Variants in GPD2 observed in about 807,000 individuals in gnomAD.
The protein encoded by GPD2 is glycerol-3-phosphate dehydrogenase 2, also known as glycerol-3-phosphate dehydrogenase, mitochondrial.
GPD2 carries 54 observed loss-of-function variants against 82.4 expected under a neutral mutation model. The ratio of observed to expected loss-of-function variants is 0.66; its 90% CI spans 0.53 to 0.82. The LOEUF is 0.82. GPD2 is among the 40% of genes least tolerant of loss of function. GPD2 has a pLI of 0.00. For synonymous variants in GPD2, 288 were observed against 306.1 expected (o/e 0.94, Z 0.62); for missense variants, 748 against 896.2 (o/e 0.83, Z 2.11).
At chr2:156,404,478 A>T in the GPD2 span, among the ~76,000 whole-genome samples, 3 of 152,124 alleles carry the variant, frequency 2.0e-5, no homozygotes, top group African/African-American at 7.2e-5. Context: ...AAACAGTTTT[A>T]CCCCAAACAT....
At chr2:156,515,525 G>GA (rs1388031380) in intron 6 of GPD2, among the ~76,000 whole-genome samples, 1 of 152,116 alleles carries the variant, frequency 6.6e-6, no homozygotes, top group East Asian at 1.9e-4. Flanking sequence ...ATTCTACATG[G>GA]AGAAGCCAAG....
At chr2:156,518,355 A>T (rs984890928) in intron 6 of GPD2, among the ~76,000 whole-genome samples, 1 of 152,208 alleles carries the variant, frequency 6.6e-6, no homozygotes, top group African/African-American at 2.4e-5. Context: ...AGGGACAATA[A>T]TGACAATGAA....
At chr2:156,547,479 T>C (rs190111005) in intron 6 of GPD2, among the ~76,000 whole-genome samples, 1 of 152,286 alleles carries the variant, frequency 6.6e-6, no homozygotes, top group East Asian at 1.9e-4. Flanking sequence ...CAATTCTAGG[T>C]AGTATGAACC....
chr2:156,467,968 A>C (rs1173785533), intron 1 of GPD2, among the ~76,000 whole-genome samples: 1 of 152,104 alleles, frequency 6.6e-6, no homozygotes, highest in East Asian at 1.9e-4. Flanking sequence ...AGTACTAATC[A>C]TGATCCCCAC....
At chr2:156,480,486 G>A (rs1683686607) in intron 2 of GPD2, among the ~76,000 whole-genome samples, 2 of 151,922 alleles carry the variant, frequency 1.3e-5, no homozygotes, top group Non-Finnish European at 2.9e-5. Context: ...GTCCTAACTG[G>A]AAAAACTGAT....
intron 13 of GPD2, among the ~76,000 whole-genome samples, chr2:156,571,882 A>C (rs7588004): frequency 0.27 from 40,786 of 151,898 alleles, 5,568 homozygotes; most frequent in South Asian, 0.32. Context: ...AAGCATTTTT[A>C]TATATTCATA....
intron 1 of GPD2, among the ~76,000 whole-genome samples, chr2:156,468,967 C>G (rs1334306600): frequency 6.6e-6 from 1 of 152,188 alleles, no homozygotes; most frequent in African/African-American, 2.4e-5. Flanking sequence ...CCCACCCCAA[C>G]CTCACTACCA....
chr2:156,439,621 C>T (rs1573868186), intron 1 of GPD2, among the ~76,000 whole-genome samples: 2 of 144,314 alleles, frequency 1.4e-5, no homozygotes, highest in African/African-American at 5.1e-5. Flanking sequence ...CCTAGGCAGG[C>T]GGATCACCTG....
At chr2:156,560,137 T>A (rs1558961558) in intron 9 of GPD2, among the ~76,000 whole-genome samples, 1 of 152,206 alleles carries the variant, frequency 6.6e-6, no homozygotes, top group Non-Finnish European at 1.5e-5. Flanking sequence ...TAACTCCTTA[T>A]CCTGCTAAGA....
intron 1 of GPD2, among the ~76,000 whole-genome samples, chr2:156,458,304 G>A (rs963975795): frequency 1.3e-5 from 2 of 152,196 alleles, no homozygotes; most frequent in Non-Finnish European, 2.9e-5. Context: ...CTGTAGTTAT[G>A]GAGTTGAAAT....
rs770470907 is a variant in GPD2, at chr2:156,570,213, G to T, written c.1603G>T (p.Ala535Ser). Residue 535 changes from alanine to serine, a missense_variant, in exon 12 of 17, where the codon GCA becomes TCA. This residue lies in a region of GPD2 where 692 missense variants were observed against 809.7 expected (regional missense o/e 0.85). Coordinates refer to ENST00000438166, the MANE Select transcript of GPD2 (RefSeq NM_000408.5). Reference sequence around the variant, plus strand: ...TGTGTCAGAATTTCCATATATTGAAGCAGAGGTATGTGAATGGTCACATAG... The same window carrying T: ...TGTGTCAGAATTTCCATATATTGAATCAGAGGTATGTGAATGGTCACATAG... ...RLVSEFPYIE[A>S]EVKYGIKEYA... is the part of the protein sequence containing the mutation. 6.2e-7 allele frequency: 1 copy of T among 1,612,318 alleles called. No homozygotes were observed. Among genetic ancestry groups the T allele is most frequent in the Non-Finnish European group, 8.5e-7 (1 of 1,178,582 alleles).
Position 156,579,867 on chromosome 2 carries a change from G to A in GPD2, c.2058+79G>A, listed in dbSNP as rs533895311. ...TGATCATAAATGCATGTTCAAGAAT[G>A]GATATTTAAGTCCACACAATTGTCA... On this transcript the variant is annotated intron_variant, in intron 16 of 16. Coordinates refer to ENST00000438166, the MANE Select transcript of GPD2 (RefSeq NM_000408.5). 2.1e-5 allele frequency: 16 copies of A among 763,610 alleles called. No individual in the cohort carries two copies. The East Asian group carries it at 4.1e-4, about 20-fold the overall frequency. 47.3% of individuals were successfully genotyped at this position (763,610 alleles called of 1,614,324 possible).
intron 6 of GPD2, among the ~76,000 whole-genome samples, chr2:156,528,534 C>T (rs2105300572): frequency 6.6e-6 from 1 of 151,010 alleles, no homozygotes; most frequent in South Asian, 2.1e-4. Flanking sequence ...GTGCGCTGCA[C>T]CCACTAACTT....
upstream of GPD2, among the ~76,000 whole-genome samples, chr2:156,433,366 A>G (rs1688340417): frequency 6.6e-6 from 1 of 152,258 alleles, no homozygotes; most frequent in Non-Finnish European, 1.5e-5. Context: ...CAGACCCTGC[A>G]CTTGACGGAT....
intron 1 of GPD2, among the ~76,000 whole-genome samples, chr2:156,475,826 A>C (rs191210084): frequency 2.0e-4 from 31 of 152,302 alleles, no homozygotes; most frequent in Admixed American, 1.4e-3. Flanking sequence ...ATACTGTTTA[A>C]ATATCCTCAG....
At chr2:156,521,783 G>T (rs941141129) in intron 6 of GPD2, among the ~76,000 whole-genome samples, 1 of 152,054 alleles carries the variant, frequency 6.6e-6, no homozygotes, top group South Asian at 2.1e-4. Context: ...CTTCCTCTTA[G>T]ACATTGATTT....
chr2:156,543,746 T>G (rs144447657), intron 6 of GPD2, among the ~76,000 whole-genome samples: 163 of 152,264 alleles, frequency 1.1e-3, no homozygotes, highest in African/African-American at 3.8e-3. Flanking sequence ...AATATTTTAT[T>G]TGAGTTTGGG....
intron 13 of GPD2, among the ~76,000 whole-genome samples, chr2:156,578,597 A>G (rs991433589): frequency 1.3e-5 from 2 of 152,232 alleles, no homozygotes; most frequent in Admixed American, 6.5e-5. Flanking sequence ...AACTCTGGTG[A>G]CAAGAAGCCA....
At chr2:156,456,255 A>G (rs1453225004) in intron 1 of GPD2, among the ~76,000 whole-genome samples, 2 of 152,166 alleles carry the variant, frequency 1.3e-5, no homozygotes, top group Admixed American at 6.5e-5. Flanking sequence ...GGATTGGGGT[A>G]TGGAGCATTC....
Sources: allele counts gnomAD v4.1 joint callset (sites outside exome capture counted in the v4.1 genomes callset), GRCh38; gene constraint gnomAD v4.1.1; regional missense constraint gnomAD v4.1.1; transcripts MANE v1.5; gene names NCBI Gene and HGNC (gene_info 2026-07-23, HGNC 2026-07-21).